Variants in ALK observed in about 807,000 individuals in gnomAD.
ALK encodes the protein ALK tyrosine kinase receptor.
ALK carries 74 observed loss-of-function variants against 163.1 expected under a neutral mutation model. The observed-to-expected ratio is 0.45, with a 90% confidence interval of 0.38 to 0.55. The LOEUF (loss-of-function observed/expected upper bound fraction) is 0.55, where lower values mean the gene tolerates loss of function less well. Ranked by LOEUF, ALK falls within the 20% of genes least tolerant of loss-of-function variation. ALK has a pLI of 0.00. For synonymous variants in ALK, 960 were observed against 843.2 expected, an observed-to-expected ratio of 1.14 and a Z score of -2.40; for missense variants, 2,063 against 2,105.3, an observed-to-expected ratio of 0.98 and a Z score of 0.39.
intron 3 of ALK, among the ~76,000 whole-genome samples, chr2:29,676,466 A>G: frequency 1.3e-5 from 2 of 152,194 alleles, no homozygotes; most frequent in South Asian, 4.1e-4. Context: ...AAGTCAGTTG[A>G]TTATAAATTA....
At chr2:29,622,691 A>G (rs1379372944) in intron 3 of ALK, among the ~76,000 whole-genome samples, 3 of 152,044 alleles carry the variant, frequency 2.0e-5, no homozygotes, top group Non-Finnish European at 4.4e-5. Context: ...ACCAATACCC[A>G]GTTCCTTGAA....
rs374587233 is a variant in ALK at position 29,223,353 on chromosome 2, G to T, written c.3348C>A (p.Ile1116=). 5 of 1,613,996 alleles carry T rather than the reference G, an allele frequency of 3.1e-6. No homozygotes were observed. The highest frequency in any genetic ancestry group is 4.2e-6 in the Non-Finnish European group (5 of 1,180,028). Residue 1116 remains isoleucine (I), a synonymous_variant, in exon 20 of 29, where the codon ATC becomes ATA. Transcript: ENST00000389048. The stretch of plus-strand genomic sequence containing the variant: ...AGCAGGGCGCTCACCGAATGAGGGT[G>T]ATGTTTTTCCGCGGCACCTCCTTCA... The part of the protein sequence containing the change: ...SDLKEVPRKN[I]TLIRGLGHGA...
intron 1 of ALK, among the ~76,000 whole-genome samples, chr2:29,830,769 T>G (rs71444440): frequency 4.7e-5 from 6 of 128,556 alleles, no homozygotes; most frequent in Admixed American, 8.2e-5. Context: ...CCAAGCATGG[T>G]GGCATGTGCC....
At chr2:29,363,965 A>G (rs1668444318) in intron 5 of ALK, among the ~76,000 whole-genome samples, 1 of 152,186 alleles carries the variant, frequency 6.6e-6, no homozygotes, top group Non-Finnish European at 1.5e-5. Context: ...TGGGAGTGAG[A>G]TCACAAAACC....
At chr2:29,353,650 G>A (rs937291619) in intron 5 of ALK, among the ~76,000 whole-genome samples, 5 of 151,954 alleles carry the variant, frequency 3.3e-5, no homozygotes, top group African/African-American at 4.8e-5. Context: ...GTGTTGAACT[G>A]TAAATGACCC....
At chr2:29,436,218 G>C (rs1050880287) in intron 4 of ALK, among the ~76,000 whole-genome samples, 3 of 152,118 alleles carry the variant, frequency 2.0e-5, no homozygotes, top group Admixed American at 1.3e-4. Flanking sequence ...CCTACCGTGT[G>C]CCATGTATTC....
intron 4 of ALK, among the ~76,000 whole-genome samples, chr2:29,524,286 T>C (rs1672895019): frequency 6.6e-6 from 1 of 152,216 alleles, no homozygotes; most frequent in Admixed American, 6.5e-5. Context: ...TCTTCAAGAC[T>C]TGTGGGCCAG....
chr2:29,620,784 A>C (rs868176394), intron 3 of ALK, among the ~76,000 whole-genome samples: 3 of 152,240 alleles, frequency 2.0e-5, no homozygotes, highest in African/African-American at 4.8e-5. Context: ...TATAAACACT[A>C]AGAAATAATA....
At chr2:29,420,488 G>A (rs1485103338) in intron 4 of ALK, among the ~76,000 whole-genome samples, 1 of 151,434 alleles carries the variant, frequency 6.6e-6, no homozygotes, top group Non-Finnish European at 1.5e-5. Flanking sequence ...TTCTGGTTGA[G>A]GACTGATTTT....
intron 1 of ALK, among the ~76,000 whole-genome samples, chr2:29,766,654 T>C (rs1406861294): frequency 2.0e-5 from 3 of 152,252 alleles, no homozygotes; most frequent in Admixed American, 6.5e-5. Context: ...TTTGAGGATA[T>C]GGTAAGAATG....
intron 12 of ALK, among the ~76,000 whole-genome samples, chr2:29,244,236 C>T (rs564009095): frequency 9.8e-5 from 15 of 152,332 alleles, no homozygotes; most frequent in African/African-American, 3.4e-4. Context: ...TTTAACTCCC[C>T]GTGGGATCCT....
In ALK at chr2:29,348,760, C is replaced by A. The variant is rs570579912; in HGVS notation, c.1283-20279G>T. ...ATCACATAGAAGGAATGAGGCAGAACTGAAGGCAGCTCACATTCTGCTATT... is the reference window on the plus strand; with the variant it reads ...ATCACATAGAAGGAATGAGGCAGAAATGAAGGCAGCTCACATTCTGCTATT... On this transcript the variant is annotated intron_variant, in intron 5 of 28. Transcript: ENST00000389048. Among the ~76,000 whole-genome samples the A allele has an allele frequency of 2.6e-5, 4 of 152,348 alleles. No homozygotes were observed. In the East Asian group the frequency reaches 5.8e-4, roughly 22 times the overall value.
At chr2:29,216,953 A>ATG (rs1357040432) in intron 23 of ALK, among the ~76,000 whole-genome samples, 39 of 18,392 alleles carry the variant, frequency 2.1e-3, no homozygotes, top group African/African-American at 4.4e-3. Context: ...GTGGCATGTG[A>ATG]TGTGTGTGTG....
Position 29,694,861 on chromosome 2 carries a change from T to C in ALK, c.941A>G (p.Glu314Gly), listed in dbSNP as rs778845512. 44 of 1,613,684 alleles carry C rather than the reference T, an allele frequency of 2.7e-5. No individual in the cohort carries two copies. In the East Asian group the frequency reaches 9.8e-4, roughly 36 times the overall value. The change falls in exon 3 of 29, where the codon GAG becomes GGG. Residue 314 changes from glutamate to glycine, a missense_variant. Physicochemically the swap from Glu to Gly is moderately conservative, Grantham distance 98. Around this residue, in one of 5 missense-constraint regions of ALK, gnomAD observed 987 missense variants for 939.5 expected, o/e 1.05. Transcript: ENST00000389048. ...AGCCTCTCCCTTACCTCTGGGCATCTCCTTAGAACGCTCTGCCCCAGGCCC... is the reference window on the plus strand; with the variant it reads ...AGCCTCTCCCTTACCTCTGGGCATCCCCTTAGAACGCTCTGCCCCAGGCCC... ...LDGPGAERSK[E>G]MPRGSFLLLN...
chr2:29,365,101 C>T (rs953813663), intron 5 of ALK, among the ~76,000 whole-genome samples: 11 of 152,096 alleles, frequency 7.2e-5, no homozygotes, highest in Non-Finnish European at 1.2e-4. Context: ...TTTTTTTCAC[C>T]GAGGTGTGCT....
At chr2:29,505,124 AG>A (rs918934034) in intron 4 of ALK, among the ~76,000 whole-genome samples, 1 of 152,176 alleles carries the variant, frequency 6.6e-6, no homozygotes, top group African/African-American at 2.4e-5. Context: ...GAGGGAGGCA[AG>A]ATGGGCTGAG....
intron 1 of ALK, among the ~76,000 whole-genome samples, chr2:29,835,011 A>G (rs1392173583): frequency 6.6e-6 from 1 of 152,226 alleles, no homozygotes; most frequent in African/African-American, 2.4e-5. Flanking sequence ...GAGCCTTGCA[A>G]TCTAAGCCAA....
At chr2:29,685,814 G>A (rs537852849) in intron 3 of ALK, among the ~76,000 whole-genome samples, 19 of 152,206 alleles carry the variant, frequency 1.2e-4, no homozygotes, top group South Asian at 6.2e-4. Flanking sequence ...GTGGAACTGC[G>A]TTCCTTCTGA....
intron 6 of ALK, among the ~76,000 whole-genome samples, chr2:29,323,525 G>A (rs2148253537): frequency 6.6e-6 from 1 of 152,280 alleles, no homozygotes. Context: ...TCAATAACGG[G>A]AGAGGAGGCA....
Sources: allele counts gnomAD v4.1 joint callset (sites outside exome capture counted in the v4.1 genomes callset), GRCh38; gene constraint gnomAD v4.1.1; regional missense constraint gnomAD v4.1.1; transcripts MANE v1.5; gene names NCBI Gene and HGNC (gene_info 2026-07-23, HGNC 2026-07-21).